The following RELL1 variants were observed in gnomAD, a reference collection of about 807,000 sequenced individuals.
RELL1 encodes the protein RELT like 1.
A neutral mutation model predicts 23.0 loss-of-function variants in RELL1; 10 were observed. That is an observed-to-expected ratio of 0.43 (90% CI 0.27 to 0.74). The LOEUF (loss-of-function observed/expected upper bound fraction) is 0.74, where lower values mean the gene tolerates loss of function less well. Ranked by LOEUF, RELL1 falls within the 30% of genes least tolerant of loss-of-function variation. RELL1 has a pLI of 0.19. For missense variants in RELL1, 315 were observed against 364.4 expected (o/e 0.86, Z 1.10); for synonymous variants, 146 against 146.8 (o/e 0.99, Z 0.04).
At chr4:37,668,215 CCCCTCCCCCTCT>C (rs1721605836) in intron 1 of RELL1, among the ~76,000 whole-genome samples, 1 of 149,034 alleles carries the variant, frequency 6.7e-6, no homozygotes. Context: ...CCTCCCCCTC[CCCCTCCCCCTCT>C]CCCTCTCCCC....
At chr4:37,622,692 C>A in intron 6 of RELL1, 1 of 409,034 alleles carries the variant, frequency 2.4e-6, no homozygotes, top group South Asian at 1.8e-5. Flanking sequence ...GGTATAAGCA[C>A]TAGGATAGAA....
At chr4:37,655,856 G>A (rs1577593730) in intron 1 of RELL1, among the ~76,000 whole-genome samples, 3 of 152,208 alleles carry the variant, frequency 2.0e-5, no homozygotes, top group South Asian at 4.1e-4. Flanking sequence ...AGAGGTAAGT[G>A]GTCAGCTGGG....
At chr4:37,660,934 G>A (rs1172908000) in intron 1 of RELL1, among the ~76,000 whole-genome samples, 1 of 151,966 alleles carries the variant, frequency 6.6e-6, no homozygotes, top group African/African-American at 2.4e-5. Context: ...GGGAGGCTGA[G>A]GCAGGAGAAC....
intron 3 of RELL1, among the ~76,000 whole-genome samples, chr4:37,643,011 T>G (rs1465446220): frequency 6.6e-6 from 1 of 152,214 alleles, no homozygotes; most frequent in Non-Finnish European, 1.5e-5. Context: ...ATAAAGTGTT[T>G]CCCTGAGTCC....
At chr4:37,606,195 AAG>A (rs1491499192), downstream of RELL1, among the ~76,000 whole-genome samples, 2 of 116,172 alleles carry the variant, frequency 1.7e-5, no homozygotes, top group African/African-American at 5.9e-5. This position sits in a 1 kb window ranked among gnomAD's most constrained non-coding sequence, Gnocchi z 4.1. Context: ...AAGAAAGAGA[AAG>A]AAGAAAGAAA....
At chr4:37,654,903 C>A (rs1274368043) in intron 1 of RELL1, among the ~76,000 whole-genome samples, 4 of 151,438 alleles carry the variant, frequency 2.6e-5, no homozygotes, top group Non-Finnish European at 5.9e-5. Flanking sequence ...AAAGCCAAAA[C>A]CAAAATGCTA....
intron 3 of RELL1, among the ~76,000 whole-genome samples, chr4:37,641,276 C>A (rs1720523667): frequency 6.6e-6 from 1 of 152,124 alleles, no homozygotes; most frequent in South Asian, 2.1e-4. Context: ...GGTACATACC[C>A]ACATGTACAC....
intron 3 of RELL1, among the ~76,000 whole-genome samples, chr4:37,644,734 A>G (rs1357038898): frequency 6.6e-6 from 1 of 152,118 alleles, no homozygotes; most frequent in Non-Finnish European, 1.5e-5. Flanking sequence ...TGCTGGGATT[A>G]CAGGCATGAG....
rs548541764 is a variant in RELL1 at position 37,660,908 on chromosome 4, G to A, written c.89-11408C>T. On this transcript the variant is annotated intron_variant, in intron 1 of 6. Coordinates refer to ENST00000454158, the MANE Select transcript of RELL1 (RefSeq NM_001085400.2). ...TAGCCAGGCATGGTGGCGGGCGCCTGTTGTCCCAGCTACTCGGGAGGCTGA... is the reference window on the plus strand; with the variant it reads ...TAGCCAGGCATGGTGGCGGGCGCCTATTGTCCCAGCTACTCGGGAGGCTGA... Among the ~76,000 whole-genome samples, 207 of 152,038 alleles carry A rather than the reference G, an allele frequency of 1.4e-3. 3 individuals are homozygous for A. Among genetic ancestry groups the A allele is most frequent in the African/African-American group, 4.7e-3 (195 of 41,488 alleles).
chr4:37,675,388 C>T (rs1387306399), intron 1 of RELL1, among the ~76,000 whole-genome samples: 1 of 152,240 alleles, frequency 6.6e-6, no homozygotes, highest in East Asian at 1.9e-4. Context: ...AATTCCCCTT[C>T]TCTTCATCTT....
intron 1 of RELL1, among the ~76,000 whole-genome samples, chr4:37,685,450 AACTT>A (rs1198601790): frequency 1.3e-5 from 2 of 152,296 alleles, no homozygotes; most frequent in South Asian, 2.1e-4. Context: ...ACTTCCATAA[AACTT>A]ACACCTCCTC....
chr4:37,667,568 C>A (rs1160700267), intron 1 of RELL1, among the ~76,000 whole-genome samples: 2 of 150,032 alleles, frequency 1.3e-5, no homozygotes, highest in African/African-American at 4.9e-5. Flanking sequence ...ATTATAGATA[C>A]TACAGGGTTC....
At chr4:37,639,111 G>A (rs1315015450) in intron 3 of RELL1, among the ~76,000 whole-genome samples, 4 of 152,094 alleles carry the variant, frequency 2.6e-5, no homozygotes, top group Admixed American at 2.6e-4. Context: ...TTGGCCAGGC[G>A]CTGTGGCTCA....
chr4:37,635,130 T>G lies in RELL1; in HGVS notation c.444-7A>C, dbSNP rs2109263847. On this transcript the variant is annotated splice_polypyrimidine_tract_variant and splice_region_variant and intron_variant, in intron 4 of 6. Transcript: ENST00000454158. ...TGTGCTGGGGGTCACGGGGCTAATG[T>G]GGGGAGGAAAACAAAAAGAGCAACT... 1.2e-6 allele frequency: 2 copies of G among 1,610,840 alleles called. No homozygotes were observed. The highest frequency in any genetic ancestry group is 1.7e-6 in the Non-Finnish European group (2 of 1,177,806).
chr4:37,647,675 C>A (rs1720756309), intron 2 of RELL1, among the ~76,000 whole-genome samples: 1 of 152,152 alleles, frequency 6.6e-6, no homozygotes, highest in Non-Finnish European at 1.5e-5. Context: ...TACTCACTTT[C>A]CAAGACAATA....
At chr4:37,594,097 G>A (rs553201801) in intron 6 of RELL1, among the ~76,000 whole-genome samples, 11 of 152,150 alleles carry the variant, frequency 7.2e-5, no homozygotes, top group African/African-American at 1.7e-4. Flanking sequence ...TGAAAAGGTC[G>A]ACAGATGGCC....
At chr4:37,671,670 G>C (rs551523513) in intron 1 of RELL1, among the ~76,000 whole-genome samples, 1 of 152,288 alleles carries the variant, frequency 6.6e-6, no homozygotes, top group South Asian at 2.1e-4. Flanking sequence ...TCCACCCCTT[G>C]TTCGGCGTAT....
At chr4:37,619,536 G>A (rs185583274) in intron 6 of RELL1, among the ~76,000 whole-genome samples, 2 of 152,058 alleles carry the variant, frequency 1.3e-5, no homozygotes, top group Admixed American at 6.5e-5. Context: ...GGAGGTCTTG[G>A]TTTATATATG....
chr4:37,634,994 C>T lies in RELL1; in HGVS notation c.573G>A (p.Val191=). 6.2e-7 allele frequency: 1 copy of T among 1,614,248 alleles called. No individual in the cohort carries two copies. The highest frequency in any genetic ancestry group is 8.5e-7 in the Non-Finnish European group (1 of 1,180,050). Residue 191 remains valine, a synonymous_variant, in exon 5 of 7, where the codon GTG becomes GTA. Coordinates refer to ENST00000454158, the MANE Select transcript of RELL1 (RefSeq NM_001085400.2). The stretch of plus-strand genomic sequence containing the variant: ...ACCGCTTGTGCCTACACCGATGACA[C>T]ACATCCCTCTCGACAACACCGCCCA... ...HTVGGVVERD[V]CHRCRHKRWH...
Sources: gnomAD v4.1 joint callset for allele counts (sites outside exome capture counted in the v4.1 genomes callset) on GRCh38, gnomAD v4.1.1 for gene constraint, Gnocchi (gnomAD v3.1) non-coding constraint, MANE v1.5 for transcripts, NCBI Gene and HGNC (gene_info 2026-07-23, HGNC 2026-07-21) for gene names.